The following MCC variants were observed in gnomAD, a reference collection of about 807,000 sequenced individuals.
MCC encodes the protein MCC regulator of Wnt signaling pathway, also known as colorectal mutant cancer protein.
Under a neutral mutation model 116.2 loss-of-function variants are expected in MCC, and 90 were observed. The ratio of observed to expected loss-of-function variants is 0.77; its 90% CI spans 0.65 to 0.92. The LOEUF is 0.92. Ranked by LOEUF, MCC falls within the 40% of genes least tolerant of loss-of-function variation. MCC has a pLI of 0.00. For synonymous variants in MCC, 578 were observed against 510.5 expected, an observed-to-expected ratio of 1.13 and a Z score of -1.78; for missense variants, 1,516 against 1,312.2, an observed-to-expected ratio of 1.16 and a Z score of -2.40.
chr5:113,403,290 T>C (rs1769742486), intron 1 of MCC, among the ~76,000 whole-genome samples: 1 of 152,200 alleles, frequency 6.6e-6, no homozygotes, highest in Non-Finnish European at 1.5e-5. Flanking sequence ...AAGTGCACAC[T>C]GTAAGAACAT....
At chr5:113,178,941 C>T (rs1422255946) in intron 3 of MCC, among the ~76,000 whole-genome samples, 4 of 151,938 alleles carry the variant, frequency 2.6e-5, no homozygotes, top group East Asian at 1.9e-4. Context: ...TTTACACATA[C>T]TCTAAGAAGC....
rs560483887 is a variant in MCC at position 113,488,339 on chromosome 5, T to TGCCGCC, written c.75_76insGGCGGC (p.Ser25_Ser26insGlyGly). The TGCCGCC allele has an allele frequency of 6.1e-6, 9 of 1,466,484 alleles. No homozygotes were observed. In the African/African-American group the frequency reaches 1.0e-4, roughly 17 times the overall value. The allele number at this position is 1,466,484 out of a possible 1,614,324, so 90.8% of individuals were successfully genotyped here. On this transcript the variant is annotated inframe_insertion, in exon 1 of 19. Coordinates refer to ENST00000408903, the MANE Select transcript of MCC (RefSeq NM_001085377.2). ...GTGCTGGACGTGTCGCTGCTGCTGC[T>TGCCGCC]GCTGCTGCCGCTGCCGCCGCCGCCG...
intron 2 of MCC, among the ~76,000 whole-genome samples, chr5:113,349,206 C>T (rs1433598901): frequency 6.6e-6 from 1 of 151,924 alleles, no homozygotes; most frequent in Non-Finnish European, 1.5e-5. Flanking sequence ...TCTATGAGGC[C>T]AGTATTATCC....
intron 8 of MCC, among the ~76,000 whole-genome samples, chr5:113,095,601 A>C (rs1345340186): frequency 6.6e-6 from 1 of 151,984 alleles, no homozygotes; most frequent in Non-Finnish European, 1.5e-5. Context: ...CTCACTGCAG[A>C]CTTGATCACC....
chr5:113,314,394 A>G (rs1411285991), intron 3 of MCC, among the ~76,000 whole-genome samples: 1 of 152,150 alleles, frequency 6.6e-6, no homozygotes, highest in Non-Finnish European at 1.5e-5. Flanking sequence ...GCAGGTCCTG[A>G]GTTGTTCAAA....
chr5:113,056,040 G>C (rs1181554018), intron 14 of MCC, among the ~76,000 whole-genome samples: 2 of 152,180 alleles, frequency 1.3e-5, no homozygotes, highest in African/African-American at 4.8e-5. Context: ...ATCACTGTTT[G>C]CGATTTACTA....
At chr5:113,320,964 T>A (rs545199499) in intron 3 of MCC, among the ~76,000 whole-genome samples, 6 of 152,242 alleles carry the variant, frequency 3.9e-5, no homozygotes, top group Non-Finnish European at 2.9e-5. Flanking sequence ...ACTTTCTTAG[T>A]TGACACAATT....
chr5:113,354,759 T>C (rs1315985445), intron 2 of MCC, among the ~76,000 whole-genome samples: 1 of 143,936 alleles, frequency 6.9e-6, no homozygotes, highest in Non-Finnish European at 1.5e-5. Context: ...CTTTTTATTG[T>C]ACTATGATCA....
chr5:113,101,748 G>A lies in MCC; in HGVS notation c.1389C>T (p.Leu463=), dbSNP rs1376726218. ...GATGCAGCATGCTCACCCTCCTCCG[G>A]AGCCGGTCCCGCTCTTCCCGGATGG... The part of the protein sequence containing the change: ...MNAIREERDR[L]RRRVRELQTR... Residue 463 remains leucine (L), a synonymous_variant, in exon 8 of 19, where the codon CTC becomes CTT. Coordinates refer to ENST00000408903, the MANE Select transcript of MCC (RefSeq NM_001085377.2). The A allele has an allele frequency of 6.2e-7, 1 of 1,612,966 alleles. No homozygotes were observed. Among genetic ancestry groups the A allele is most frequent in the Non-Finnish European group, 8.5e-7 (1 of 1,179,994 alleles).
intron 2 of MCC, among the ~76,000 whole-genome samples, chr5:113,350,376 C>A (rs1254675472): frequency 6.6e-6 from 1 of 152,022 alleles, no homozygotes; most frequent in Non-Finnish European, 1.5e-5. Flanking sequence ...ATAGAGAACG[C>A]AGAAACAAGT....
At chr5:113,161,620 ATGTGTGTG>A (rs57962617) in intron 3 of MCC, among the ~76,000 whole-genome samples, 3,685 of 148,384 alleles carry the variant, frequency 0.025, 84 homozygotes, top group African/African-American at 0.053. Context: ...GTTTAGATTT[ATGTGTGTG>A]TGTGTGTGTG....
At chr5:113,438,243 G>A (rs1770918838) in intron 1 of MCC, among the ~76,000 whole-genome samples, 1 of 152,092 alleles carries the variant, frequency 6.6e-6, no homozygotes, top group South Asian at 2.1e-4. Flanking sequence ...CCTATAGAAT[G>A]ACACCTAACT....
chr5:113,374,375 C>T (rs1264414345), intron 2 of MCC, among the ~76,000 whole-genome samples: 3 of 152,038 alleles, frequency 2.0e-5, no homozygotes, highest in South Asian at 2.1e-4. Context: ...TCAGCTCAAA[C>T]GTCAGGAGCC....
chr5:113,030,960 T>G (rs1337180971), intron 17 of MCC, among the ~76,000 whole-genome samples: 1 of 152,220 alleles, frequency 6.6e-6, no homozygotes, highest in Non-Finnish European at 1.5e-5. Flanking sequence ...TAGAGTCATG[T>G]AGGAACGGCA....
At chr5:113,055,796 TTACCA>T (rs1361776076) in intron 14 of MCC, among the ~76,000 whole-genome samples, 1 of 152,182 alleles carries the variant, frequency 6.6e-6, no homozygotes, top group African/African-American at 2.4e-5. Flanking sequence ...TTACATGTGA[TTACCA>T]TTAAAATCAA....
At position 113,027,377 on chromosome 5, in the gene MCC, C is replaced by G; in HGVS notation, c.2985G>C (p.Val995=). The stretch of plus-strand genomic sequence containing the variant: ...GAGCTATTCTTTGCTTGAGCATCCT[C>G]ACTTGGGTCTCATGTCTCTCCACCA... ...MAMVERHETQ[V]RMLKQRIALL... Residue 995 remains valine, a synonymous_variant, in exon 19 of 19, where the codon GTG becomes GTC. Coordinates refer to ENST00000408903, the MANE Select transcript of MCC (RefSeq NM_001085377.2). 1 of 1,614,206 alleles carries G rather than the reference C, an allele frequency of 6.2e-7. No homozygotes were observed. The highest frequency in any genetic ancestry group is 8.5e-7 in the Non-Finnish European group (1 of 1,180,042).
At chr5:113,224,883 T>C (rs529121221) in intron 3 of MCC, among the ~76,000 whole-genome samples, 5 of 152,262 alleles carry the variant, frequency 3.3e-5, no homozygotes, top group Admixed American at 3.3e-4. Flanking sequence ...ATCAATTACA[T>C]AGGGCAGACA....
In MCC at chr5:113,049,301, TACAG is replaced by T; in HGVS notation, c.2449-6_2449-3del. On this transcript the variant is annotated splice_region_variant and splice_polypyrimidine_tract_variant and intron_variant, in intron 15 of 18. Coordinates refer to ENST00000408903, the MANE Select transcript of MCC (RefSeq NM_001085377.2). Reference sequence around the variant, plus strand: ...GGCCTTCAACTCGGCCATCTCCTCCTACAGACAAAGGAGCACAGAGCACATGAGG... The same window carrying T: ...GGCCTTCAACTCGGCCATCTCCTCCTACAAAGGAGCACAGAGCACATGAGG... 1 of 1,579,294 alleles carries T rather than the reference TACAG, an allele frequency of 6.3e-7. No homozygotes were observed. Among genetic ancestry groups the T allele is most frequent in the Non-Finnish European group, 8.6e-7 (1 of 1,161,384 alleles).
At chr5:113,295,047 A>G (rs113858051) in intron 3 of MCC, 1 of 675,942 alleles carries the variant, frequency 1.5e-6, no homozygotes, top group African/African-American at 2.0e-5. Context: ...GAGGCCGAGC[A>G]GAGGAGACCG....
Sources: allele counts gnomAD v4.1 joint callset (sites outside exome capture counted in the v4.1 genomes callset), GRCh38; gene constraint gnomAD v4.1.1; transcripts MANE v1.5; gene names NCBI Gene and HGNC (gene_info 2026-07-23, HGNC 2026-07-21).